Variants in SEC23B observed in about 807,000 individuals in gnomAD.
SEC23B encodes the protein SEC23 homolog B, COPII component, also known as protein transport protein Sec23B.
In SEC23B, 77 loss-of-function variants were observed where a neutral mutation model predicts 104.3. That is an observed-to-expected ratio of 0.74 (90% CI 0.61 to 0.89). The LOEUF (loss-of-function observed/expected upper bound fraction) is 0.89. Ranked by LOEUF, SEC23B falls within the 40% of genes least tolerant of loss-of-function variation. The pLI is 0.00. For missense variants in SEC23B, 885 were observed against 949.4 expected, an observed-to-expected ratio of 0.93 and a Z score of 0.89; for synonymous variants, 338 against 332.5, an observed-to-expected ratio of 1.02 and a Z score of -0.18.
intron 4 of SEC23B, among the ~76,000 whole-genome samples, chr20:18,524,004 G>A (rs1021140915): frequency 1.3e-5 from 2 of 152,150 alleles, no homozygotes; most frequent in East Asian, 3.9e-4. Flanking sequence ...GCATGAACCC[G>A]GCTCATATGC....
intron 4 of SEC23B, 128 bp from the exon 5 acceptor site, chr20:18,524,305 T>C: frequency 2.6e-6 from 2 of 762,766 alleles, no homozygotes; most frequent in Non-Finnish European, 4.8e-6. Flanking sequence ...GAGCTTTGTA[T>C]AGATGTCCTT....
intron 8 of SEC23B, 141 bp downstream of exon 8, chr20:18,526,672 G>C: frequency 1.1e-6 from 1 of 898,380 alleles, no homozygotes; most frequent in South Asian, 1.4e-5. Flanking sequence ...AATCTTAGCT[G>C]CTGTTAAATT....
At chr20:18,548,155 TG>T (rs1038541843) in intron 15 of SEC23B, among the ~76,000 whole-genome samples, 11 of 152,154 alleles carry the variant, frequency 7.2e-5, no homozygotes, top group African/African-American at 1.9e-4. Context: ...TTCTCCATGT[TG>T]GTCAGGCTGG....
intron 19 of SEC23B, among the ~76,000 whole-genome samples, chr20:18,557,455 C>T (rs1374188453): frequency 6.6e-6 from 1 of 151,882 alleles, no homozygotes; most frequent in Non-Finnish European, 1.5e-5. Flanking sequence ...CTAGGTATTA[C>T]ATCATATATG....
At chr20:18,514,414 G>C (rs1192670829) in intron 3 of SEC23B, among the ~76,000 whole-genome samples, 1 of 152,122 alleles carries the variant, frequency 6.6e-6, no homozygotes, top group Non-Finnish European at 1.5e-5. Flanking sequence ...GTCTTCTGCT[G>C]GCTCTGACTG....
At position 18,524,864 on chromosome 20, in the gene SEC23B, A is replaced by G. The variant is rs2060120466; in HGVS notation, c.604-71A>G. ...CATGCCACCACACCCAGCTGAGGAC[A>G]TTTCTTAAAAATTAGTCATTCACTT... On this transcript the variant is annotated intron_variant, in intron 5 of 19. Coordinates refer to ENST00000650089, the MANE Select transcript of SEC23B (RefSeq NM_006363.6). 2.0e-6 allele frequency: 3 copies of G among 1,534,602 alleles called. No individual in the cohort carries two copies. The Admixed American group carries it at 5.3e-5, about 27-fold the overall frequency.
chr20:18,537,313 C>T (rs2060241197), intron 12 of SEC23B, among the ~76,000 whole-genome samples: 1 of 152,040 alleles, frequency 6.6e-6, no homozygotes, highest in Admixed American at 6.6e-5. Context: ...TGGCTCTATT[C>T]ACAATAGTAA....
intron 2 of SEC23B, among the ~76,000 whole-genome samples, chr20:18,511,537 C>G (rs1385116224): frequency 6.6e-6 from 1 of 150,886 alleles, no homozygotes; most frequent in African/African-American, 2.4e-5. Context: ...AGATAGTGAC[C>G]TATTTCTTTT....
At chr20:18,539,165 T>C (rs79408540) in intron 12 of SEC23B, among the ~76,000 whole-genome samples, 14,463 of 148,356 alleles carry the variant, frequency 0.097, 869 homozygotes, top group East Asian at 0.27. Flanking sequence ...TGAGCCGAGA[T>C]TGCGCCACTG....
chr20:18,533,167 C>T (rs2060201392), intron 11 of SEC23B, among the ~76,000 whole-genome samples: 1 of 152,214 alleles, frequency 6.6e-6, no homozygotes, highest in African/African-American at 2.4e-5. Context: ...AAGCCTTTTA[C>T]AACAGAGACC....
intron 10 of SEC23B, 139 bp from the exon 11 acceptor site, chr20:18,532,525 G>A (rs2148905642): frequency 2.7e-6 from 2 of 737,470 alleles, no homozygotes; most frequent in East Asian, 2.6e-5. Flanking sequence ...GTAGGACTAA[G>A]CAGTTATGAT....
At chr20:18,556,179 C>T (rs2060436331) in intron 19 of SEC23B, among the ~76,000 whole-genome samples, 1 of 152,122 alleles carries the variant, frequency 6.6e-6, no homozygotes, top group Admixed American at 6.6e-5. Context: ...TGAAGCTTCA[C>T]TTACTTACCT....
chr20:18,542,359 T>C lies in SEC23B; in HGVS notation c.1468T>C (p.Ser490Pro). 1 of 1,614,202 alleles carries C rather than the reference T, an allele frequency of 6.2e-7. No homozygotes were observed. The highest frequency in any genetic ancestry group is 1.1e-5 in the South Asian group (1 of 91,088). ...AIQFVTHYQH[S>P]STQRRIRVTT... is the part of the protein sequence containing the mutation. ...CCAGTTTGTCACGCATTATCAGCACTCCAGCACCCAGAGACGCATCCGCGT... is the reference window on the plus strand; with the variant it reads ...CCAGTTTGTCACGCATTATCAGCACCCCAGCACCCAGAGACGCATCCGCGT... Residue 490 changes from serine to proline, a missense_variant, in exon 13 of 20, where the codon TCC becomes CCC. Ser to Pro is a moderately conservative substitution (Grantham distance 74). Coordinates refer to ENST00000650089, the MANE Select transcript of SEC23B (RefSeq NM_006363.6).
At chr20:18,509,144 TC>T in intron 1 of SEC23B, among the ~76,000 whole-genome samples, 1 of 152,220 alleles carries the variant, frequency 6.6e-6, no homozygotes, top group South Asian at 2.1e-4. Context: ...TCCCTTTGCT[TC>T]CCATGAAGCT....
chr20:18,530,315 G>A (rs1054903816), intron 9 of SEC23B, among the ~76,000 whole-genome samples: 6 of 151,780 alleles, frequency 4.0e-5, no homozygotes, highest in African/African-American at 1.5e-4. Context: ...GCAGTGGTCC[G>A]ATCTTGGTTC....
At chr20:18,513,342 CAAA>C (rs1245148138) in intron 3 of SEC23B, among the ~76,000 whole-genome samples, 2 of 112,536 alleles carry the variant, frequency 1.8e-5, no homozygotes, top group Non-Finnish European at 3.8e-5. Context: ...GCAAGAGTGT[CAAA>C]AAAAAAAAAA....
intron 4 of SEC23B, among the ~76,000 whole-genome samples, chr20:18,522,628 G>T (rs1367830513): frequency 6.6e-6 from 1 of 152,154 alleles, no homozygotes; most frequent in Admixed American, 6.5e-5. Context: ...CCTCTGACCC[G>T]GGTCTTCGGC....
chr20:18,534,095 T>G (rs1193735658), intron 11 of SEC23B, among the ~76,000 whole-genome samples: 1 of 152,224 alleles, frequency 6.6e-6, no homozygotes, highest in Non-Finnish European at 1.5e-5. Context: ...ATTGCTCTGT[T>G]GTCTTGTTTG....
At chr20:18,538,131 A>T (rs2060253045) in intron 12 of SEC23B, among the ~76,000 whole-genome samples, 1 of 151,286 alleles carries the variant, frequency 6.6e-6, no homozygotes, top group Admixed American at 6.6e-5. Context: ...TTTAGCAGAG[A>T]CAAGGTTTTG....
Sources: gnomAD v4.1 joint callset for allele counts (sites outside exome capture counted in the v4.1 genomes callset) on GRCh38, gnomAD v4.1.1 for gene constraint, MANE v1.5 for transcripts, NCBI Gene and HGNC (gene_info 2026-07-23, HGNC 2026-07-21) for gene names.